NYAP2: variants seen among roughly 807,000 people sequenced by gnomAD.
NYAP2 encodes neuronal tyrosine-phosphorylated phosphoinositide-3-kinase adapter 2.
A neutral mutation model predicts 50.4 loss-of-function variants in NYAP2; 23 were observed. That is an observed-to-expected ratio of 0.46 (90% CI 0.33 to 0.65). The LOEUF is 0.65. Ranked by LOEUF, NYAP2 falls within the 30% of genes least tolerant of loss-of-function variation. The pLI is 0.02. For synonymous variants in NYAP2, 394 were observed against 365.2 expected, an observed-to-expected ratio of 1.08 and a Z score of -0.90; for missense variants, 885 against 861.0, an observed-to-expected ratio of 1.03 and a Z score of -0.35.
intron 3 of NYAP2, among the ~76,000 whole-genome samples, chr2:225,443,321 A>T (rs1021794903): frequency 6.6e-6 from 1 of 152,226 alleles, no homozygotes; most frequent in East Asian, 1.9e-4. Context: ...CATTAATGAG[A>T]TAGCAGAATG....
At chr2:225,575,660 G>C (rs991649968) in intron 4 of NYAP2, among the ~76,000 whole-genome samples, 3 of 152,164 alleles carry the variant, frequency 2.0e-5, no homozygotes, top group African/African-American at 4.8e-5. Flanking sequence ...TGACTTAGTG[G>C]CTTGTTTTCT....
chr2:225,510,018 G>T (rs1690783418), intron 3 of NYAP2, among the ~76,000 whole-genome samples: 1 of 152,234 alleles, frequency 6.6e-6, no homozygotes, highest in Non-Finnish European at 1.5e-5. Flanking sequence ...CTGAGCAGAA[G>T]CCAGGAGAGA....
intron 4 of NYAP2, among the ~76,000 whole-genome samples, chr2:225,558,258 G>A (rs34374355): frequency 0.16 from 24,691 of 152,118 alleles, 2,225 homozygotes; most frequent in African/African-American, 0.23. Context: ...AAACTTAGTG[G>A]CTGAAAACAA....
chr2:225,621,895 A>G (rs10153830), intron 5 of NYAP2, among the ~76,000 whole-genome samples: 6,767 of 152,172 alleles, frequency 0.044, 210 homozygotes, highest in Non-Finnish European at 0.069. Flanking sequence ...TGTAAGGCTG[A>G]ATAATACCCC....
chr2:225,529,740 C>T (rs1691220574), intron 4 of NYAP2, among the ~76,000 whole-genome samples: 1 of 151,674 alleles, frequency 6.6e-6, no homozygotes, highest in Non-Finnish European at 1.5e-5. Flanking sequence ...CGGAGTCTCA[C>T]TCTGTCGCCC....
At chr2:225,496,521 C>G (rs1314013955) in intron 3 of NYAP2, among the ~76,000 whole-genome samples, 1 of 152,058 alleles carries the variant, frequency 6.6e-6, no homozygotes, top group Admixed American at 6.6e-5. Context: ...TTTGCAAACT[C>G]TTTAAGAAAA....
At position 225,577,823 on chromosome 2, in the gene NYAP2, A is replaced by T. The variant is rs867262558; in HGVS notation, c.524-4118A>T. Among the ~76,000 whole-genome samples the T allele has an allele frequency of 3.5e-3, 519 of 148,566 alleles. 3 individuals are homozygous for T. Among genetic ancestry groups the T allele is most frequent in the African/African-American group, 0.013 (494 of 38,862 alleles). ...AAAAGCAGATTTTTTTTTTTTTTTA[A>T]AAAAAGAAGCCCCTGCCCCCATATT... On this transcript the variant is annotated intron_variant, in intron 4 of 6. Transcript: ENST00000636099.
intron 3 of NYAP2, among the ~76,000 whole-genome samples, chr2:225,477,810 G>T (rs540084912): frequency 4.5e-4 from 68 of 152,004 alleles, no homozygotes; most frequent in African/African-American, 1.4e-3. Flanking sequence ...ATTTGAAACG[G>T]GCCCCTCCAT....
At chr2:225,472,956 C>G (rs1282781658) in intron 3 of NYAP2, among the ~76,000 whole-genome samples, 1 of 152,164 alleles carries the variant, frequency 6.6e-6, no homozygotes, top group Non-Finnish European at 1.5e-5. Context: ...TATCCTTCCC[C>G]ACTCCGCTTA....
chr2:225,404,039 G>A (rs1442235326), intron 2 of NYAP2, among the ~76,000 whole-genome samples: 2 of 151,906 alleles, frequency 1.3e-5, no homozygotes, highest in Non-Finnish European at 2.9e-5. Context: ...ACAGTATCTT[G>A]GAATTAATCG....
downstream of NYAP2, among the ~76,000 whole-genome samples, chr2:225,654,643 C>T (rs1366895306): frequency 2.0e-4 from 30 of 152,096 alleles, no homozygotes; most frequent in Admixed American, 1.9e-3. Flanking sequence ...GAGATTGTGC[C>T]ACTGCATTCC....
intron 3 of NYAP2, among the ~76,000 whole-genome samples, chr2:225,471,888 C>T (rs1007368023): frequency 5.9e-5 from 9 of 152,092 alleles, no homozygotes; most frequent in East Asian, 1.9e-4. Context: ...ATGCAGCAAA[C>T]CTATCAGACA....
At chr2:225,454,561 T>A (rs901844280) in intron 3 of NYAP2, among the ~76,000 whole-genome samples, 1 of 152,100 alleles carries the variant, frequency 6.6e-6, no homozygotes, top group African/African-American at 2.4e-5. Flanking sequence ...ACATCAGGGG[T>A]AGGGATCAGG....
chr2:225,548,899 T>TTTC (rs961169178), intron 4 of NYAP2, among the ~76,000 whole-genome samples: 1 of 151,918 alleles, frequency 6.6e-6, no homozygotes, highest in African/African-American at 2.4e-5. Flanking sequence ...TTTTTTTTTT[T>TTTC]TGAGGCAGGG....
In NYAP2 at chr2:225,582,750, T is replaced by C. The variant is rs1297204306; in HGVS notation, c.1333T>C (p.Ser445Pro). 5.6e-6 allele frequency: 9 copies of C among 1,610,244 alleles called. No individual in the cohort carries two copies. Among genetic ancestry groups the C allele is most frequent in the Non-Finnish European group, 6.8e-6 (8 of 1,178,530 alleles). The change falls in exon 5 of 7, where the codon TCC (serine) becomes CCC (proline). Residue 445 changes from serine (S) to proline (P), a missense_variant. Ser to Pro is a moderately conservative substitution (Grantham distance 74, BLOSUM62 -1). Transcript: ENST00000636099. The surrounding 1 kb of genome is among the most constrained non-coding windows in gnomAD (Gnocchi z 7.0). ...TCCCTCCCCCGTCAGCATGGGGAGG[T>C]CCCTGACTCCCCTGAGCCTCAAAAG... is the stretch of plus-strand genomic sequence containing the variant.
intron 3 of NYAP2, among the ~76,000 whole-genome samples, chr2:225,481,223 G>C (rs1690202213): frequency 6.6e-6 from 1 of 152,022 alleles, no homozygotes; most frequent in South Asian, 2.1e-4. Flanking sequence ...AAGCAGTCAG[G>C]TTATCCATGT....
chr2:225,628,058 G>A (rs1217916227), intron 6 of NYAP2, among the ~76,000 whole-genome samples: 1 of 13,366 alleles, frequency 7.5e-5, no homozygotes, highest in Non-Finnish European at 1.4e-4. Context: ...CTCTGCAATT[G>A]CTGAGGATAT....
chr2:225,424,893 A>G (rs1414726489), intron 3 of NYAP2, among the ~76,000 whole-genome samples: 1 of 152,190 alleles, frequency 6.6e-6, no homozygotes, highest in African/African-American at 2.4e-5. Context: ...AATGCTTGTT[A>G]GAAGTAATCG....
chr2:225,685,112 T>TA, the NYAP2 span, among the ~76,000 whole-genome samples: 70 of 152,332 alleles, frequency 4.6e-4, 1 homozygote, highest in South Asian at 8.3e-4. Context: ...TTCAAAGTTA[T>TA]AAAACTAAAA....
Sources: allele counts gnomAD v4.1 joint callset (sites outside exome capture counted in the v4.1 genomes callset), GRCh38; gene constraint gnomAD v4.1.1; non-coding constraint Gnocchi (gnomAD v3.1); transcripts MANE v1.5; gene names NCBI Gene and HGNC (gene_info 2026-07-23, HGNC 2026-07-21).